The following HDLBP variants were observed in gnomAD, a reference collection of about 807,000 sequenced individuals.
HDLBP encodes the protein vigilin.
Under a neutral mutation model 137.3 loss-of-function variants are expected in HDLBP, and 30 were observed. That is an observed-to-expected ratio of 0.22 (90% CI 0.16 to 0.30). The LOEUF (loss-of-function observed/expected upper bound fraction) is 0.30, where lower values mean the gene tolerates loss of function less well. Ranked by LOEUF, HDLBP falls within the 10% of genes least tolerant of loss-of-function variation. HDLBP has a pLI of 1.00. For synonymous variants in HDLBP, 606 were observed against 596.0 expected, an observed-to-expected ratio of 1.02 and a Z score of -0.24; for missense variants, 1,119 against 1,667.3, an observed-to-expected ratio of 0.67 and a Z score of 5.73.
chr2:241,273,216 G>A, intron 1 of HDLBP: 6 of 985,508 alleles, frequency 6.1e-6, no homozygotes, highest in Non-Finnish European at 7.2e-6. Flanking sequence ...GGCCACACTG[G>A]CACGAGGTCC....
At chr2:241,260,535 C>A (rs1273393232) in intron 5 of HDLBP, among the ~76,000 whole-genome samples, 2 of 152,146 alleles carry the variant, frequency 1.3e-5, no homozygotes, top group African/African-American at 4.8e-5. Context: ...AAGAAAAATT[C>A]TTCTTTACAA....
chr2:241,280,637 C>T (rs565943272), intron 1 of HDLBP, among the ~76,000 whole-genome samples: 1 of 152,106 alleles, frequency 6.6e-6, no homozygotes, highest in Non-Finnish European at 1.5e-5. Context: ...ATTATAGGCA[C>T]CTATAATGAG....
At chr2:241,302,093 A>G (rs1389903251) in intron 1 of HDLBP, among the ~76,000 whole-genome samples, 1 of 151,974 alleles carries the variant, frequency 6.6e-6, no homozygotes, top group Admixed American at 6.6e-5. Context: ...CTCTACAAAA[A>G]AAAAAAAAAA....
At chr2:241,288,534 A>C (rs939820864) in intron 1 of HDLBP, among the ~76,000 whole-genome samples, 1 of 152,224 alleles carries the variant, frequency 6.6e-6, no homozygotes, top group African/African-American at 2.4e-5. Flanking sequence ...TGTACTCTCC[A>C]CTGGGTGATC....
chr2:241,293,792 G>A (rs371729709), intron 1 of HDLBP, among the ~76,000 whole-genome samples: 9 of 146,048 alleles, frequency 6.2e-5, no homozygotes, highest in East Asian at 2.0e-4. Flanking sequence ...ATGGTGGCAC[G>A]TGCCTGTAGT....
intron 1 of HDLBP, among the ~76,000 whole-genome samples, chr2:241,284,662 CA>C (rs2074737897): frequency 6.6e-6 from 1 of 152,188 alleles, no homozygotes; most frequent in South Asian, 2.1e-4. Context: ...AATCAAACAA[CA>C]TCACGTGCTA....
chr2:241,236,610 C>T lies in HDLBP; in HGVS notation c.2904+5G>A. 2 of 1,613,736 alleles carry T rather than the reference C, an allele frequency of 1.2e-6. No individual in the cohort carries two copies. The highest frequency in any genetic ancestry group is 1.7e-6 in the Non-Finnish European group (2 of 1,179,726). On this transcript the variant is annotated splice_donor_5th_base_variant and intron_variant, in intron 21 of 27. Transcript: ENST00000310931. Reference sequence around the variant, plus strand: ...GGGGGTGGAGGGGGGCACATGGACACATACCTCCAGAGCTTCCTTGGCAGC... The same window carrying T: ...GGGGGTGGAGGGGGGCACATGGACATATACCTCCAGAGCTTCCTTGGCAGC...
chr2:241,289,197 T>C (rs1353235910), intron 1 of HDLBP, among the ~76,000 whole-genome samples: 1 of 152,166 alleles, frequency 6.6e-6, no homozygotes, highest in African/African-American at 2.4e-5. Flanking sequence ...CTCTCAAGGG[T>C]GGAGAGCATG....
intron 1 of HDLBP, among the ~76,000 whole-genome samples, chr2:241,293,674 C>CTTTGA (rs1020580160): frequency 1.3e-5 from 2 of 151,544 alleles, no homozygotes; most frequent in Non-Finnish European, 2.9e-5. Flanking sequence ...AATCCCAGCA[C>CTTTGA]TTTGAGAGGC....
chr2:241,292,195 C>T (rs1479214197), intron 1 of HDLBP, among the ~76,000 whole-genome samples: 4 of 151,886 alleles, frequency 2.6e-5, no homozygotes, highest in Non-Finnish European at 5.9e-5. Context: ...CCCCCACCCC[C>T]CCAACAACAA....
At chr2:241,258,213 G>A (rs967939514) in intron 5 of HDLBP, among the ~76,000 whole-genome samples, 2 of 152,046 alleles carry the variant, frequency 1.3e-5, no homozygotes, top group Non-Finnish European at 2.9e-5. Context: ...TTAGCATGGT[G>A]GCAGGCGCCT....
intron 1 of HDLBP, among the ~76,000 whole-genome samples, chr2:241,291,602 G>C (rs768445791): frequency 3.9e-5 from 6 of 152,164 alleles, no homozygotes; most frequent in Non-Finnish European, 8.8e-5. Context: ...CCACATTTCA[G>C]AACCTCCAAA....
rs956368191 is a variant in HDLBP at position 241,240,531 on chromosome 2, G to C, written c.2170-409C>G. Among the ~76,000 whole-genome samples, 1 of 152,176 alleles carries C rather than the reference G, an allele frequency of 6.6e-6. No individual in the cohort carries two copies. The highest frequency in any genetic ancestry group is 2.4e-5 in the African/African-American group (1 of 41,446). On this transcript the variant is annotated intron_variant, in intron 17 of 27. Transcript: ENST00000310931. This position sits in a 1 kb window ranked among gnomAD's most constrained non-coding sequence, Gnocchi z 5.5. ...GCAGAGCAGGAAGCAAGCTGCCCAA[G>C]AGGTGTGCACCATGCTCCCACTCTT...
At chr2:241,247,971 G>A (rs368353940) in intron 14 of HDLBP, 32 bp downstream of exon 14, 11 of 1,484,966 alleles carry the variant, frequency 7.4e-6, no homozygotes, top group South Asian at 1.1e-5. Context: ...CCCAGGTGCT[G>A]TCATACAAGA....
chr2:241,272,679 AC>A lies in HDLBP; in HGVS notation c.-102-4139del, dbSNP rs1339736127. 16 of 644,322 alleles carry A rather than the reference AC, an allele frequency of 2.5e-5. No homozygotes were observed. Among genetic ancestry groups the A allele is most frequent in the Middle Eastern group, 7.7e-4 (1 of 1,292 alleles). The allele number at this position is 644,322 out of a possible 1,614,324, so 39.9% of individuals were successfully genotyped here. On this transcript the variant is annotated intron_variant, in intron 1 of 27. Transcript: ENST00000310931. The surrounding 1 kb of genome is among the most constrained non-coding windows in gnomAD (Gnocchi z 5.6). ...CTCCGCGGCCTCCACGTCAGCAGCCACCCCCCACCCCCCCGCCCGGCAGCCC... is the reference window on the plus strand; with the variant it reads ...CTCCGCGGCCTCCACGTCAGCAGCCACCCCCACCCCCCCGCCCGGCAGCCC...
At chr2:241,282,656 C>A (rs149533510) in intron 1 of HDLBP, among the ~76,000 whole-genome samples, 76 of 152,300 alleles carry the variant, frequency 5.0e-4, no homozygotes, top group African/African-American at 1.8e-3. Flanking sequence ...CAAACGTTTT[C>A]ATTGTCATTG....
chr2:241,237,013 C>T (rs564548621), intron 20 of HDLBP, among the ~76,000 whole-genome samples: 5 of 144,056 alleles, frequency 3.5e-5, no homozygotes, highest in African/African-American at 8.0e-5. Flanking sequence ...AAGGCTTTGC[C>T]GGGAGGCCGT....
chr2:241,257,593 C>T (rs4675974), intron 5 of HDLBP, among the ~76,000 whole-genome samples: 114,946 of 152,192 alleles, frequency 0.76, 43,857 homozygotes, highest in East Asian at 0.9. Context: ...TAGCAAGACA[C>T]AAGCCCAACA....
At chr2:241,234,032 C>G in intron 23 of HDLBP, 69 bp from the exon 24 acceptor site, 1 of 1,563,574 alleles carries the variant, frequency 6.4e-7, no homozygotes, top group South Asian at 1.1e-5. Flanking sequence ...ATTCCCCTTC[C>G]ACCCTGGTCA....
Sources: gnomAD v4.1 joint callset for allele counts (sites outside exome capture counted in the v4.1 genomes callset) on GRCh38, gnomAD v4.1.1 for gene constraint, Gnocchi (gnomAD v3.1) non-coding constraint, MANE v1.5 for transcripts, NCBI Gene and HGNC (gene_info 2026-07-23, HGNC 2026-07-21) for gene names.